The following ASAP2 variants were observed in gnomAD, a reference collection of about 807,000 sequenced individuals.
ASAP2 encodes ArfGAP with SH3 domain, ankyrin repeat and PH domain 2, also known as arf-GAP with SH3 domain, ANK repeat and PH domain-containing protein 2.
A neutral mutation model predicts 131.4 loss-of-function variants in ASAP2; 45 were observed. The observed-to-expected ratio is 0.34, with a 90% CI of 0.27 to 0.44. ASAP2 has a LOEUF of 0.44. ASAP2 is among the 20% of genes least tolerant of loss of function. The pLI, the probability that ASAP2 is intolerant of heterozygous loss-of-function variation, is 1.00. For missense variants in ASAP2, 1,011 were observed against 1,297.0 expected, an observed-to-expected ratio of 0.78 and a Z score of 3.39; for synonymous variants, 510 against 503.0, an observed-to-expected ratio of 1.01 and a Z score of -0.19.
At chr2:9,346,591 T>C (rs1671981800) in intron 11 of ASAP2, among the ~76,000 whole-genome samples, 1 of 152,226 alleles carries the variant, frequency 6.6e-6, no homozygotes, top group Non-Finnish European at 1.5e-5. Context: ...CTTCCAGATC[T>C]CAACACCTGT....
chr2:9,240,604 G>A (rs987141127), intron 1 of ASAP2, among the ~76,000 whole-genome samples: 1 of 152,090 alleles, frequency 6.6e-6, no homozygotes, highest in Non-Finnish European at 1.5e-5. Context: ...CACCACGGCC[G>A]TAGCTTTTGC....
chr2:9,361,415 C>T (rs1375252648), intron 15 of ASAP2, among the ~76,000 whole-genome samples: 1 of 152,132 alleles, frequency 6.6e-6, no homozygotes, highest in Admixed American at 6.5e-5. Context: ...GTCATGGTGT[C>T]GTGGCTCTAA....
At chr2:9,301,539 A>G (rs1668472356) in intron 3 of ASAP2, among the ~76,000 whole-genome samples, 1 of 152,234 alleles carries the variant, frequency 6.6e-6, no homozygotes, top group Non-Finnish European at 1.5e-5. Context: ...TGGCTTTCTA[A>G]TGAAAGGCTG....
At position 9,361,974 on chromosome 2, in the gene ASAP2, CGTGTGT is replaced by C. The variant is rs70948815; in HGVS notation, c.1461+3118_1461+3123del. 6.7e-3 allele frequency among the ~76,000 whole-genome samples: 953 copies of C among 143,258 alleles called. 8 individuals are homozygous for C. Among genetic ancestry groups the C allele is most frequent in the African/African-American group, 0.021 (826 of 39,220 alleles). 94.0% of individuals were successfully genotyped at this position (143,258 alleles called of 152,430 possible). ...CCTCTTTATCTTATCTCTTTCTCTG[CGTGTGT>C]GTGTGTGTGTGTGTGTGTGTGTGTG... On this transcript the variant is annotated intron_variant, in intron 15 of 27. Coordinates refer to ENST00000281419, the MANE Select transcript of ASAP2 (RefSeq NM_003887.3).
chr2:9,233,789 G>C (rs1663340436), intron 1 of ASAP2, among the ~76,000 whole-genome samples: 1 of 152,200 alleles, frequency 6.6e-6, no homozygotes, highest in African/African-American at 2.4e-5. Flanking sequence ...CCTGTGGCTA[G>C]GTACTGTCAT....
At chr2:9,354,563 G>A (rs1377143396) in intron 12 of ASAP2, among the ~76,000 whole-genome samples, 1 of 151,832 alleles carries the variant, frequency 6.6e-6, no homozygotes, top group Non-Finnish European at 1.5e-5. Context: ...CTTGAGCCTG[G>A]GAGATTGAGG....
intron 15 of ASAP2, among the ~76,000 whole-genome samples, chr2:9,362,629 G>T (rs1332898442): frequency 1.6e-4 from 25 of 152,000 alleles, no homozygotes. Context: ...GTTTGAGTCT[G>T]GGAGTTCAAG....
chr2:9,255,986 G>GTGATC (rs1665130774), intron 1 of ASAP2, among the ~76,000 whole-genome samples: 1 of 152,092 alleles, frequency 6.6e-6, no homozygotes, highest in African/African-American at 2.4e-5. Flanking sequence ...AGTACCTCCA[G>GTGATC]TGATCTGGCT....
intron 11 of ASAP2, 152 bp from the exon 12 acceptor site, chr2:9,350,656 C>T: frequency 1.8e-6 from 1 of 570,024 alleles, no homozygotes; most frequent in Non-Finnish European, 3.0e-6. Flanking sequence ...TAACTTGTCC[C>T]AGTCAAGCCT....
In ASAP2 at chr2:9,281,747, T is replaced by G. The variant is rs1413567224; in HGVS notation, c.199+2358T>G. Among the ~76,000 whole-genome samples the G allele has an allele frequency of 6.6e-6, 1 of 152,208 alleles. No homozygotes were observed. Among genetic ancestry groups the G allele is most frequent in the Non-Finnish European group, 1.5e-5 (1 of 68,046 alleles). ...TCCAAAGATTTTAATGTGCTAGTAA[T>G]GTGGATTGTGAGTGGTTATCGTTCT... On this transcript the variant is annotated intron_variant, in intron 2 of 27. Coordinates refer to ENST00000281419, the MANE Select transcript of ASAP2 (RefSeq NM_003887.3). This position sits in a 1 kb window ranked among gnomAD's most constrained non-coding sequence, Gnocchi z 4.0.
chr2:9,327,989 A>G lies in ASAP2; in HGVS notation c.686+78A>G, dbSNP rs547297514. The stretch of plus-strand genomic sequence containing the variant: ...TCTGGTAGATCTATAGATAGCTCAT[A>G]GGAAATAAACACCACTTAGAAGTCT... On this transcript the variant is annotated intron_variant, in intron 7 of 27. Coordinates refer to ENST00000281419, the MANE Select transcript of ASAP2 (RefSeq NM_003887.3). 85 of 1,094,402 alleles carry G rather than the reference A, an allele frequency of 7.8e-5. No homozygotes were observed. In the South Asian group the frequency reaches 1.3e-3, roughly 17 times the overall value. 67.8% of individuals were successfully genotyped at this position (1,094,402 alleles called of 1,614,324 possible). A position where few individuals can be genotyped will look rare whatever the true frequency, so the allele number is the denominator to read the frequency against.
At chr2:9,211,392 C>CT (rs200655024) in intron 1 of ASAP2, among the ~76,000 whole-genome samples, 13 of 149,262 alleles carry the variant, frequency 8.7e-5, no homozygotes, top group Middle Eastern at 3.5e-3. Flanking sequence ...TTTTTTTCTT[C>CT]TTTTTTTTTC....
At chr2:9,344,847 T>C (rs1218798370) in intron 11 of ASAP2, 47 bp downstream of exon 11, 2 of 1,558,310 alleles carry the variant, frequency 1.3e-6, no homozygotes, top group African/African-American at 1.4e-5. Flanking sequence ...TTAGGTGAGG[T>C]TGGTGTTGGA....
At chr2:9,390,695 A>G (rs1437862363) in intron 22 of ASAP2, among the ~76,000 whole-genome samples, 12 of 152,080 alleles carry the variant, frequency 7.9e-5, no homozygotes, top group Non-Finnish European at 1.8e-4. Flanking sequence ...AGTCGGTGGG[A>G]GGGTGGAGAG....
At position 9,370,629 on chromosome 2, in the gene ASAP2, TG is replaced by T. The variant is rs1673874215; in HGVS notation, c.1556+2115del. Among the ~76,000 whole-genome samples the T allele has an allele frequency of 4.6e-5, 7 of 152,258 alleles. No individual in the cohort carries two copies. The South Asian group carries it at 1.5e-3, about 32-fold the overall frequency. ...ATAACGTTCCCCCTCACAGAGGCAT[TG>T]GGGGCATGAGCGGGATGATGGGGTC... is the stretch of plus-strand genomic sequence containing the variant. On this transcript the variant is annotated intron_variant, in intron 16 of 27. Coordinates refer to ENST00000281419, the MANE Select transcript of ASAP2 (RefSeq NM_003887.3).
At chr2:9,390,862 C>T (rs1453612979) in intron 22 of ASAP2, among the ~76,000 whole-genome samples, 200 bp from the exon 23 acceptor site, 5 of 152,214 alleles carry the variant, frequency 3.3e-5, no homozygotes, top group Admixed American at 6.5e-5. Flanking sequence ...CTTGGAGCCT[C>T]TTCGGTTTCG....
chr2:9,358,611 T>G, intron 14 of ASAP2, 145 bp from the exon 15 acceptor site: 1 of 1,024,612 alleles, frequency 9.8e-7, no homozygotes, highest in South Asian at 1.7e-5. Flanking sequence ...TTGGTGGTAA[T>G]TATGGACAAA....
intron 6 of ASAP2, among the ~76,000 whole-genome samples, chr2:9,327,187 A>G (rs539354914): frequency 8.9e-5 from 13 of 146,470 alleles, no homozygotes; most frequent in African/African-American, 2.5e-4. Context: ...CAGCTTTTCC[A>G]GGGGACATTC....
intron 21 of ASAP2, among the ~76,000 whole-genome samples, chr2:9,386,159 T>C: frequency 6.6e-6 from 1 of 151,980 alleles, no homozygotes. Context: ...TTTTTTTCTG[T>C]AATGCATTAA....
Sources: gnomAD v4.1 joint callset for allele counts (sites outside exome capture counted in the v4.1 genomes callset) on GRCh38, gnomAD v4.1.1 for gene constraint, Gnocchi (gnomAD v3.1) non-coding constraint, MANE v1.5 for transcripts, NCBI Gene and HGNC (gene_info 2026-07-23, HGNC 2026-07-21) for gene names.